RORC: variants seen among roughly 807,000 people sequenced by gnomAD.
RORC encodes RAR related orphan receptor C.
A neutral mutation model predicts 64.5 loss-of-function variants in RORC; 13 were observed. The ratio of observed to expected loss-of-function variants is 0.20; its 90% CI spans 0.13 to 0.32. The LOEUF (loss-of-function observed/expected upper bound fraction) is 0.32, where lower values mean the gene tolerates loss of function less well. Ranked by LOEUF, RORC falls within the 10% of genes least tolerant of loss-of-function variation. The pLI is 1.00. For synonymous variants in RORC, 277 were observed against 259.3 expected, an observed-to-expected ratio of 1.07 and a Z score of -0.65; for missense variants, 468 against 669.5, an observed-to-expected ratio of 0.70 and a Z score of 3.32.
intron 1 of RORC, 173 bp downstream of exon 1, chr1:151,831,552 C>T: frequency 1.5e-6 from 1 of 661,114 alleles, no homozygotes. Flanking sequence ...ATCTCCCCAG[C>T]CCCTCCTCCT....
intron 2 of RORC, among the ~76,000 whole-genome samples, chr1:151,818,206 T>C (rs1014249270): frequency 1.3e-5 from 2 of 152,232 alleles, no homozygotes; most frequent in African/African-American, 4.8e-5. Context: ...TATGCTGTTC[T>C]GTGTACCTGT....
Position 151,830,650 on chromosome 1 carries a change from A to ACACACACACAC in RORC, c.40+1064_40+1074dup, listed in dbSNP as rs1553293052. Among the ~76,000 whole-genome samples, 52 of 149,372 alleles carry ACACACACACAC rather than the reference A, an allele frequency of 3.5e-4. 4 individuals carry two copies. The highest frequency in any genetic ancestry group is 1.5e-4 in the Non-Finnish European group (10 of 67,314). Reference sequence around the variant, plus strand: ...CACACACACACACACACACACACACACACACACACACAGTGCCCTTCTGCC... The same window carrying ACACACACACAC: ...CACACACACACACACACACACACACACACACACACACCACACACACACAGTGCCCTTCTGCC... On this transcript the variant is annotated intron_variant, in intron 1 of 10. Coordinates refer to ENST00000318247, the MANE Select transcript of RORC (RefSeq NM_005060.4). This position sits in a 1 kb window ranked among gnomAD's most constrained non-coding sequence, Gnocchi z 4.0.
Position 151,815,241 on chromosome 1 carries a change from G to C in RORC, c.483C>G (p.Gly161=). ...AAGCCTCAGGCAGGTCAGGCGAGGA[G>C]CCCAGGGGCAGCTGCCCGTCTGGGA... is the stretch of plus-strand genomic sequence containing the variant. ...LGLPDGQLPL[G]SSPDLPEASA... The change falls in exon 5 of 11, where the codon GGC becomes GGG. Residue 161 remains glycine (G), a synonymous_variant. Coordinates refer to ENST00000318247, the MANE Select transcript of RORC (RefSeq NM_005060.4). 1 of 1,611,070 alleles carries C rather than the reference G, an allele frequency of 6.2e-7. No homozygotes were observed.
rs1651376564 is a variant in RORC at position 151,807,916 on chromosome 1, AC to A, written c.1396-284del. On this transcript the variant is annotated intron_variant, in intron 10 of 10. Coordinates refer to ENST00000318247, the MANE Select transcript of RORC (RefSeq NM_005060.4). This position sits in a 1 kb window ranked among gnomAD's most constrained non-coding sequence, Gnocchi z 5.0. Reference sequence around the variant, plus strand: ...AACCTTGTCAAAGACTCTAATGTGCACTTCCTGCTTTTATAAGAGTGATTGT... The same window carrying A: ...AACCTTGTCAAAGACTCTAATGTGCATTCCTGCTTTTATAAGAGTGATTGT... Among the ~76,000 whole-genome samples, 9 of 152,276 alleles carry A rather than the reference AC, an allele frequency of 5.9e-5. No individual in the cohort carries two copies. Among genetic ancestry groups the A allele is most frequent in the Admixed American group, 2.0e-4 (3 of 15,304 alleles).
At chr1:151,815,958 G>A (rs374731005) in intron 4 of RORC, among the ~76,000 whole-genome samples, 11 of 151,300 alleles carry the variant, frequency 7.3e-5, no homozygotes, top group African/African-American at 2.4e-4. Flanking sequence ...TACTCCCCCC[G>A]CCACCCCTCC....
chr1:151,822,873 G>A (rs1447152947), intron 2 of RORC, among the ~76,000 whole-genome samples: 1 of 152,258 alleles, frequency 6.6e-6, no homozygotes, highest in East Asian at 1.9e-4. Context: ...GAAAGGACTA[G>A]CTATATGGGA....
intron 2 of RORC, among the ~76,000 whole-genome samples, chr1:151,825,673 C>T (rs1458441568): frequency 1.3e-5 from 2 of 152,132 alleles, no homozygotes; most frequent in African/African-American, 2.4e-5. Context: ...GGCCTGGATA[C>T]CTCAGATACT....
In RORC at chr1:151,830,502, G is replaced by A. The variant is rs1157461332; in HGVS notation, c.41-1044C>T. Among the ~76,000 whole-genome samples, 3 of 151,974 alleles carry A rather than the reference G, an allele frequency of 2.0e-5. No individual in the cohort carries two copies. The highest frequency in any genetic ancestry group is 2.9e-5 in the Non-Finnish European group (2 of 67,974). The stretch of plus-strand genomic sequence containing the variant: ...CATAGCAGCTCATCACAGAACACAT[G>A]GCCAGTCTTTTGTCTCAGAAAGCCC... On this transcript the variant is annotated intron_variant, in intron 1 of 10. Transcript: ENST00000318247. This position sits in a 1 kb window ranked among gnomAD's most constrained non-coding sequence, Gnocchi z 4.0.
At chr1:151,831,434 C>G (rs1168176667) in intron 1 of RORC, among the ~76,000 whole-genome samples, 2 of 152,132 alleles carry the variant, frequency 1.3e-5, no homozygotes, top group African/African-American at 2.4e-5. Flanking sequence ...ATCTGGCTCC[C>G]CTGACTTGGC....
At chr1:151,816,839 T>A in intron 3 of RORC, 34 bp from the exon 4 acceptor site, 1 of 1,496,924 alleles carries the variant, frequency 6.7e-7, no homozygotes, top group South Asian at 1.4e-5. Context: ...AGACTGCTTA[T>A]CCTGGTCAGG....
chr1:151,810,151 A>G (rs143148129), intron 10 of RORC, among the ~76,000 whole-genome samples: 138 of 152,262 alleles, frequency 9.1e-4, no homozygotes, highest in African/African-American at 3.2e-3. Context: ...CCCAAATCCC[A>G]TAAAACAATT....
chr1:151,822,412 C>T (rs1189277249), intron 2 of RORC, among the ~76,000 whole-genome samples: 1 of 152,312 alleles, frequency 6.6e-6, no homozygotes, highest in East Asian at 1.9e-4. Context: ...TGCTGAAACA[C>T]CCAGATCCTG....
chr1:151,816,734 G>T lies in RORC; in HGVS notation c.228C>A (p.Asp76Glu). ...SCTRQQNCPI[D>E]RTSRNRCQHC... ...GCTGGCATCGGTTTCGGCTGGTGCG[G>T]TCGATGGGGCAGTTCTGCTGACGGG... Residue 76 changes from aspartate to glutamate, a missense_variant, in exon 4 of 11, where the codon GAC becomes GAA. Coordinates refer to ENST00000318247, the MANE Select transcript of RORC (RefSeq NM_005060.4). 6.3e-7 allele frequency: 1 copy of T among 1,599,904 alleles called. No individual in the cohort carries two copies. The highest frequency in any genetic ancestry group is 8.5e-7 in the Non-Finnish European group (1 of 1,173,108).
In RORC at chr1:151,829,485, G is replaced by C. The variant is rs200718165; in HGVS notation, c.41-27C>G. On this transcript the variant is annotated intron_variant, in intron 1 of 10. Transcript: ENST00000318247. ...TGTAAAGACAAGAGAGGGGGTTGACGTCAAAGGTTGAAGATCATGAGGGGC... is the reference window on the plus strand; with the variant it reads ...TGTAAAGACAAGAGAGGGGGTTGACCTCAAAGGTTGAAGATCATGAGGGGC... The C allele has an allele frequency of 1.1e-4, 164 of 1,511,246 alleles. No homozygotes were observed. The African/African-American group carries it at 2.1e-3, about 20-fold the overall frequency. 93.6% of individuals were successfully genotyped at this position (1,511,246 alleles called of 1,614,324 possible). A position where few individuals can be genotyped will look rare whatever the true frequency, so the allele number is the denominator to read the frequency against.
intron 2 of RORC, among the ~76,000 whole-genome samples, chr1:151,822,195 C>T (rs530031913): frequency 2.0e-5 from 3 of 151,998 alleles, no homozygotes; most frequent in East Asian, 3.9e-4. Flanking sequence ...GTCACTTGCA[C>T]ACCCCAACCT....
At position 151,807,745 on chromosome 1, in the gene RORC, G is replaced by T; in HGVS notation, c.1396-112C>A. On this transcript the variant is annotated intron_variant, in intron 10 of 10. Transcript: ENST00000318247. This position sits in a 1 kb window ranked among gnomAD's most constrained non-coding sequence, Gnocchi z 5.0. ...CAAACCCTCCTTGCCTTCCCCTTAT[G>T]TACTTGGCACTTTGGCACCAGCCAA... 1 of 1,188,690 alleles carries T rather than the reference G, an allele frequency of 8.4e-7. No individual in the cohort carries two copies. The highest frequency in any genetic ancestry group is 1.2e-6 in the Non-Finnish European group (1 of 847,054). 73.6% of individuals were successfully genotyped at this position (1,188,690 alleles called of 1,614,324 possible). A position where few individuals can be genotyped will look rare whatever the true frequency, so the allele number is the denominator to read the frequency against.
rs1430069472 is a variant in RORC at position 151,817,129 on chromosome 1, TGTGCGC to T, written c.156+60_156+65del. On this transcript the variant is annotated intron_variant, in intron 3 of 10. Coordinates refer to ENST00000318247, the MANE Select transcript of RORC (RefSeq NM_005060.4). ...AGGAGACACTGTGTGTGTGTGTGTG[TGTGCGC>T]GCGCGCGCGCTTGTGTATGCACACG... 255 of 989,986 alleles carry T rather than the reference TGTGCGC, an allele frequency of 2.6e-4. 1 individual carries two copies. The African/African-American group carries it at 3.5e-3, about 14-fold the overall frequency. 61.3% of individuals were successfully genotyped at this position (989,986 alleles called of 1,614,324 possible).
chr1:151,807,123 A>T lies in RORC; in HGVS notation c.*349T>A. 1 of 216,828 alleles carries T rather than the reference A, an allele frequency of 4.6e-6. No homozygotes were observed. Among genetic ancestry groups the T allele is most frequent in the Non-Finnish European group, 9.2e-6 (1 of 109,122 alleles). 13.4% of individuals were successfully genotyped at this position (216,828 alleles called of 1,614,324 possible). On this transcript the variant is annotated 3_prime_UTR_variant, in exon 11 of 11. Coordinates refer to ENST00000318247, the MANE Select transcript of RORC (RefSeq NM_005060.4). The surrounding 1 kb of genome is among the most constrained non-coding windows in gnomAD (Gnocchi z 5.0). ...TGAATGAATTGCATTCTATTCATCC[A>T]GGGAGCCCTGGATGCCCCTGTTTTC...
At chr1:151,811,465 C>T (rs760348811) in intron 9 of RORC, 31 bp from the exon 10 acceptor site, 3 of 1,355,116 alleles carry the variant, frequency 2.2e-6, no homozygotes, top group African/African-American at 2.9e-5. Flanking sequence ...GTAATGAGAA[C>T]AAGAAAGAAC....
Sources: gnomAD v4.1 joint callset for allele counts (sites outside exome capture counted in the v4.1 genomes callset) on GRCh38, gnomAD v4.1.1 for gene constraint, Gnocchi (gnomAD v3.1) non-coding constraint, MANE v1.5 for transcripts, NCBI Gene and HGNC (gene_info 2026-07-23, HGNC 2026-07-21) for gene names.